ROS1: variants seen among roughly 807,000 people sequenced by gnomAD.
The protein encoded by ROS1 is ROS proto-oncogene 1, receptor tyrosine kinase, also known as proto-oncogene tyrosine-protein kinase ROS.
In ROS1, 263 loss-of-function variants were observed where a neutral mutation model predicts 273.5. That is an observed-to-expected ratio of 0.96 (90% confidence interval 0.87 to 1.06). ROS1 has a LOEUF of 1.06. Ranked by LOEUF, ROS1 falls within the 50% of genes least tolerant of loss-of-function variation. The pLI is 0.00. For missense variants in ROS1, 2,833 were observed against 2,751.1 expected (o/e 1.03, Z -0.67); for synonymous variants, 1,008 against 954.1 (o/e 1.06, Z -1.04).
rs1779382056 is a variant in ROS1, at chr6:117,357,062, T to C, written c.3840-147A>G. 42 of 647,794 alleles carry C rather than the reference T, an allele frequency of 6.5e-5. 1 individual carries two copies. In the South Asian group the frequency reaches 8.1e-4, roughly 13 times the overall value. 40.1% of individuals were successfully genotyped at this position (647,794 alleles called of 1,614,324 possible). ...AACATGGTCAAGTTTTCAATAACCT[T>C]TTTCTGAGATGGAAGAAGTCACAAG... On this transcript the variant is annotated intron_variant, in intron 25 of 43. Transcript: ENST00000368507.
chr6:117,425,895 T>G lies in ROS1; in HGVS notation c.-239A>C. The G allele has an allele frequency of 2.3e-6, 1 of 426,316 alleles. No individual in the cohort carries two copies. Among genetic ancestry groups the G allele is most frequent in the Non-Finnish European group, 4.2e-6 (1 of 239,304 alleles). The allele number at this position is 426,316 out of a possible 1,614,324, so 26.4% of individuals were successfully genotyped here. A position where few individuals can be genotyped will look rare whatever the true frequency, so the allele number is the denominator to read the frequency against. On this transcript the variant is annotated 5_prime_UTR_variant, in exon 1 of 44. Coordinates refer to ENST00000368507, the MANE Select transcript of ROS1 (RefSeq NM_001378902.1). ...GAGCTATTTCATAACAGCTTCCTTT[T>G]ACTCCCATAAAGTCACCCAGTGACT... is the stretch of plus-strand genomic sequence containing the variant.
chr6:117,382,754 G>C (rs1384189061), intron 17 of ROS1, among the ~76,000 whole-genome samples: 1 of 151,938 alleles, frequency 6.6e-6, no homozygotes, highest in Non-Finnish European at 1.5e-5. Flanking sequence ...CATTTACTTT[G>C]TACCTGGAAC....
chr6:117,299,085 G>T (rs1774477279), intron 43 of ROS1, among the ~76,000 whole-genome samples: 1 of 152,154 alleles, frequency 6.6e-6, no homozygotes, highest in Non-Finnish European at 1.5e-5. Context: ...CTAAGAATCA[G>T]CTCTGTCCAG....
chr6:117,386,110 T>A (rs894256344), intron 15 of ROS1, among the ~76,000 whole-genome samples: 7 of 152,224 alleles, frequency 4.6e-5, no homozygotes, highest in Admixed American at 1.3e-4. Context: ...AGTTTACAGA[T>A]CTCATTTAGT....
chr6:117,345,208 G>T (rs753791670), intron 27 of ROS1, among the ~76,000 whole-genome samples: 51 of 152,160 alleles, frequency 3.4e-4, no homozygotes, highest in Non-Finnish European at 6.8e-4. Flanking sequence ...CACACTGCAG[G>T]ACTTCTACCC....
chr6:117,404,365 C>T lies in ROS1; in HGVS notation c.380G>A (p.Arg127Gln), dbSNP rs867759865. Residue 127 changes from arginine to glutamine, a missense_variant, in exon 6 of 44, where the codon CGA becomes CAA. By Grantham distance (43) the Arg-to-Gln change is conservative (BLOSUM62 1). Coordinates refer to ENST00000368507, the MANE Select transcript of ROS1 (RefSeq NM_001378902.1). Reference protein sequence around the residue: ...SSIGSHNMTLRWKSANFSGVK... With the variant: ...SSIGSHNMTLQWKSANFSGVK... Reference sequence around the variant, plus strand: ...TCCAGAGAAGTTTGCAGATTTCCATCGTAATGTCATATTGTGGCTTCCAAT... The same window carrying T: ...TCCAGAGAAGTTTGCAGATTTCCATTGTAATGTCATATTGTGGCTTCCAAT... The T allele has an allele frequency of 6.2e-7, 1 of 1,613,818 alleles. No individual in the cohort carries two copies. The highest frequency in any genetic ancestry group is 8.5e-7 in the Non-Finnish European group (1 of 1,179,764).
At chr6:117,385,900 C>T (rs1171773265) in intron 15 of ROS1, 39 bp from the exon 16 acceptor site, 13 of 1,550,572 alleles carry the variant, frequency 8.4e-6, no homozygotes, top group Non-Finnish European at 1.1e-5. Flanking sequence ...ATTTTTCATA[C>T]ATACCAACAA....
intron 18 of ROS1, among the ~76,000 whole-genome samples, chr6:117,366,589 C>T (rs1780266313): frequency 6.6e-6 from 1 of 152,094 alleles, no homozygotes; most frequent in Admixed American, 6.5e-5. Flanking sequence ...TCACAGTTCG[C>T]TGCAACCTCT....
intron 1 of ROS1, among the ~76,000 whole-genome samples, chr6:117,423,996 C>T (rs1034033724): frequency 9.2e-5 from 14 of 152,076 alleles, no homozygotes; most frequent in African/African-American, 3.1e-4. Flanking sequence ...AGGTGGTGAA[C>T]GGAAGGCAAC....
chr6:117,416,582 A>T (rs961004060), intron 2 of ROS1, among the ~76,000 whole-genome samples: 6 of 152,148 alleles, frequency 3.9e-5, no homozygotes, highest in African/African-American at 9.7e-5. Context: ...CAGGCCTAGA[A>T]GCCAGAGAAC....
At chr6:117,388,607 A>G (rs888149944) in intron 13 of ROS1, among the ~76,000 whole-genome samples, 22 of 152,328 alleles carry the variant, frequency 1.4e-4, no homozygotes, top group Admixed American at 4.6e-4. Context: ...ATTCATTTAC[A>G]TATTATCTAT....
intron 43 of ROS1, among the ~76,000 whole-genome samples, chr6:117,295,245 G>A (rs1257447076): frequency 6.6e-6 from 1 of 152,148 alleles, no homozygotes; most frequent in African/African-American, 2.4e-5. Flanking sequence ...GGAAAAGACA[G>A]TCTCTTCAAT....
Position 117,357,995 on chromosome 6 carries a change from T to C in ROS1, c.3648A>G (p.Ser1216=), listed in dbSNP as rs1779473126. 1.9e-6 allele frequency: 3 copies of C among 1,612,664 alleles called. No homozygotes were observed. Among genetic ancestry groups the C allele is most frequent in the African/African-American group, 1.3e-5 (1 of 75,030 alleles). ...TAATAACTGTGATATCAAAAACCAG[T>C]GAATCTTGGAAAAGCTTAACAACAG... The part of the protein sequence containing the change: ...NRSSSELFQD[S]LVFDITVITI... The change falls in exon 25 of 44, where the codon TCA becomes TCG. Residue 1216 remains serine, a synonymous_variant. Transcript: ENST00000368507.
At chr6:117,414,648 A>G in intron 3 of ROS1, 103 bp from the exon 4 acceptor site, 1 of 585,074 alleles carries the variant, frequency 1.7e-6, no homozygotes, top group East Asian at 3.1e-5. Flanking sequence ...TTGCCCCACC[A>G]TTGATAAACA....
chr6:117,314,759 T>C (rs1031877133), intron 39 of ROS1, among the ~76,000 whole-genome samples: 6 of 152,092 alleles, frequency 3.9e-5, no homozygotes, highest in African/African-American at 9.7e-5. Context: ...AAACGAGCAA[T>C]TTCCTCCCTG....
At position 117,422,280 on chromosome 6, in the gene ROS1, G is replaced by A. The variant is rs561312547; in HGVS notation, c.123+3254C>T. Reference sequence around the variant, plus strand: ...TCCGCCTCAGCCTCCCATAGTGCTGGAATTACAGGCATGAGCCATCGCACT... The same window carrying A: ...TCCGCCTCAGCCTCCCATAGTGCTGAAATTACAGGCATGAGCCATCGCACT... On this transcript the variant is annotated intron_variant, in intron 1 of 43. Coordinates refer to ENST00000368507, the MANE Select transcript of ROS1 (RefSeq NM_001378902.1). 2.0e-5 allele frequency among the ~76,000 whole-genome samples: 3 copies of A among 152,254 alleles called. No individual in the cohort carries two copies. In the East Asian group the frequency reaches 5.8e-4, roughly 29 times the overall value.
intron 43 of ROS1, among the ~76,000 whole-genome samples, chr6:117,300,068 G>C (rs1195564373): frequency 8.1e-6 from 1 of 123,832 alleles, no homozygotes; most frequent in African/African-American, 3.1e-5. Flanking sequence ...AACTACAGGC[G>C]CCCGCCACCA....
rs1295542367 is a variant in ROS1 at position 117,359,860 on chromosome 6, A to G, written c.3582T>C (p.Ala1194=). The change falls in exon 24 of 44, where the codon GCT becomes GCC. Residue 1194 remains alanine, a synonymous_variant. Coordinates refer to ENST00000368507, the MANE Select transcript of ROS1 (RefSeq NM_001378902.1). ...GCAGAAGAAAGAGTGAGTCCCCTTC[A>G]GCATAATATCCCATCTCATTATCAG... ...YTADNEMGYY[A]EGDSLFLLHL... The G allele has an allele frequency of 6.2e-7, 1 of 1,613,856 alleles. No individual in the cohort carries two copies. Among genetic ancestry groups the G allele is most frequent in the Non-Finnish European group, 8.5e-7 (1 of 1,179,908 alleles).
At chr6:117,389,000 T>C (rs1018290815) in intron 13 of ROS1, among the ~76,000 whole-genome samples, 1 of 152,146 alleles carries the variant, frequency 6.6e-6, no homozygotes. Flanking sequence ...TTTTAGGGAA[T>C]TGCTGAAATT....
Sources: allele counts gnomAD v4.1 joint callset (sites outside exome capture counted in the v4.1 genomes callset), GRCh38; gene constraint gnomAD v4.1.1; transcripts MANE v1.5; gene names NCBI Gene and HGNC (gene_info 2026-07-23, HGNC 2026-07-21).